DLG2: variants seen among roughly 807,000 people sequenced by gnomAD.
DLG2 encodes disks large homolog 2.
A neutral mutation model predicts 132.5 loss-of-function variants in DLG2; 45 were observed. That is an observed-to-expected ratio of 0.34 (90% CI 0.27 to 0.44). The LOEUF (loss-of-function observed/expected upper bound fraction) is 0.44, where lower values mean the gene tolerates loss of function less well. Ranked by LOEUF, DLG2 falls within the 20% of genes least tolerant of loss-of-function variation. The pLI is 1.00. For synonymous variants in DLG2, 424 were observed against 419.6 expected (o/e 1.01, Z -0.13); for missense variants, 1,045 against 1,196.9 (o/e 0.87, Z 1.87).
intron 3 of DLG2, among the ~76,000 whole-genome samples, chr11:85,382,748 T>C (rs2085996301): frequency 6.6e-6 from 1 of 152,154 alleles, no homozygotes; most frequent in Non-Finnish European, 1.5e-5. Context: ...ATGTTCAACA[T>C]CATTAGTCAT....
chr11:83,981,733 T>C (rs1258183110), intron 11 of DLG2, among the ~76,000 whole-genome samples: 1 of 152,192 alleles, frequency 6.6e-6, no homozygotes, highest in Admixed American at 6.6e-5. Context: ...CACCACGTCC[T>C]GCCAAAAACT....
chr11:84,128,295 T>C (rs2094269231), intron 9 of DLG2, among the ~76,000 whole-genome samples: 1 of 152,210 alleles, frequency 6.6e-6, no homozygotes, highest in African/African-American at 2.4e-5. Flanking sequence ...TCTGCTTATA[T>C]GAAAACATAC....
chr11:85,200,238 T>C (rs1394194370), intron 4 of DLG2, among the ~76,000 whole-genome samples: 1 of 152,190 alleles, frequency 6.6e-6, no homozygotes, highest in Non-Finnish European at 1.5e-5. Context: ...AGCTTAGCTA[T>C]AGCCCTCTTT....
intron 8 of DLG2, among the ~76,000 whole-genome samples, chr11:84,238,832 T>C (rs2097191799): frequency 6.6e-6 from 1 of 152,166 alleles, no homozygotes; most frequent in Non-Finnish European, 1.5e-5. Flanking sequence ...CCTGTCATCA[T>C]CTATGACTGC....
chr11:85,396,946 C>A (rs577586510), intron 3 of DLG2, among the ~76,000 whole-genome samples: 3 of 152,034 alleles, frequency 2.0e-5, no homozygotes, highest in Admixed American at 6.6e-5. Flanking sequence ...AGATACTCCT[C>A]GAGAAGAGCA....
chr11:84,984,662 G>T (rs897748781), intron 6 of DLG2, among the ~76,000 whole-genome samples: 2 of 151,246 alleles, frequency 1.3e-5, no homozygotes, highest in Non-Finnish European at 2.9e-5. Context: ...AACATTGAAT[G>T]TAAATGGCCT....
intron 3 of DLG2, among the ~76,000 whole-genome samples, chr11:85,438,796 C>G (rs1280850639): frequency 6.6e-6 from 1 of 152,160 alleles, no homozygotes; most frequent in Non-Finnish European, 1.5e-5. Flanking sequence ...AGCTGAATCG[C>G]AAGGACACCT....
chr11:84,866,258 G>A (rs1051477446), intron 6 of DLG2, among the ~76,000 whole-genome samples: 1 of 152,132 alleles, frequency 6.6e-6, no homozygotes, highest in African/African-American at 2.4e-5. Flanking sequence ...GCCTGATCAA[G>A]TATGTGTCTG....
intron 18 of DLG2, among the ~76,000 whole-genome samples, chr11:83,641,697 G>C (rs1566219162): frequency 6.6e-6 from 1 of 152,198 alleles, no homozygotes; most frequent in Admixed American, 6.5e-5. Context: ...AGGATTTGGG[G>C]TGGATCTCTC....
At chr11:83,588,178 G>T (rs2097125322) in intron 19 of DLG2, among the ~76,000 whole-genome samples, 1 of 151,984 alleles carries the variant, frequency 6.6e-6, no homozygotes. Flanking sequence ...ACCTCTGGGG[G>T]CAGGGCACAG....
intron 20 of DLG2, among the ~76,000 whole-genome samples, chr11:83,539,781 T>C (rs916857853): frequency 6.6e-6 from 1 of 152,160 alleles, no homozygotes; most frequent in Non-Finnish European, 1.5e-5. Flanking sequence ...GTTGTTAAGA[T>C]GGTTCTCTTC....
At chr11:84,302,956 G>GAC (rs762462278) in intron 7 of DLG2, among the ~76,000 whole-genome samples, 247 of 150,430 alleles carry the variant, frequency 1.6e-3, no homozygotes, top group South Asian at 0.015. Flanking sequence ...CACACAGACA[G>GAC]ACACACACAC....
chr11:84,848,438 G>A (rs2081773555), intron 6 of DLG2, among the ~76,000 whole-genome samples: 1 of 152,070 alleles, frequency 6.6e-6, no homozygotes. Context: ...AGGTTGCAGT[G>A]AGCCGAGATT....
At chr11:84,253,981 T>C (rs1203787167) in intron 7 of DLG2, among the ~76,000 whole-genome samples, 1 of 152,156 alleles carries the variant, frequency 6.6e-6, no homozygotes. Context: ...CCTAAGGATA[T>C]TGCAGGTTAG....
chr11:85,472,724 G>T (rs921076729), intron 3 of DLG2, among the ~76,000 whole-genome samples: 3 of 152,224 alleles, frequency 2.0e-5, no homozygotes, highest in Non-Finnish European at 2.9e-5. Context: ...CAAAGGAGCC[G>T]CTGTAACAGT....
At chr11:85,439,113 T>G (rs986926447) in intron 3 of DLG2, among the ~76,000 whole-genome samples, 1 of 152,190 alleles carries the variant, frequency 6.6e-6, no homozygotes, top group African/African-American at 2.4e-5. Flanking sequence ...GTTCCAGATT[T>G]TGGCTATTAA....
rs539240281 is a variant in DLG2 at position 84,613,029 on chromosome 11, T to C, written c.358-78298A>G. On this transcript the variant is annotated intron_variant, in intron 6 of 27. Coordinates refer to ENST00000376104, the MANE Select transcript of DLG2 (RefSeq NM_001142699.3). Reference sequence around the variant, plus strand: ...ACGAATTTCTAAATGCAAATATAAATGATCAAGCTTCTGTTGAACAACTCT... The same window carrying C: ...ACGAATTTCTAAATGCAAATATAAACGATCAAGCTTCTGTTGAACAACTCT... 6.6e-4 allele frequency among the ~76,000 whole-genome samples: 100 copies of C among 152,298 alleles called. 1 individual carries two copies. The South Asian group carries it at 0.011, about 16-fold the overall frequency.
At chr11:85,221,091 G>A (rs978366647) in intron 4 of DLG2, among the ~76,000 whole-genome samples, 3 of 150,716 alleles carry the variant, frequency 2.0e-5, no homozygotes, top group Non-Finnish European at 4.4e-5. Flanking sequence ...CGCCCAGGCT[G>A]GAGTACAGTG....
intron 3 of DLG2, among the ~76,000 whole-genome samples, chr11:85,547,834 T>A (rs1442594311): frequency 6.6e-6 from 1 of 152,136 alleles, no homozygotes; most frequent in Non-Finnish European, 1.5e-5. Flanking sequence ...TTCAGCTCCA[T>A]CAGGTCATTT....
Sources: gnomAD v4.1 joint callset for allele counts (sites outside exome capture counted in the v4.1 genomes callset) on GRCh38, gnomAD v4.1.1 for gene constraint, MANE v1.5 for transcripts, NCBI Gene and HGNC (gene_info 2026-07-23, HGNC 2026-07-21) for gene names.